NCALD: variants seen among roughly 807,000 people sequenced by gnomAD.
NCALD encodes neurocalcin-delta.
Under a neutral mutation model 18.6 loss-of-function variants are expected in NCALD, and 10 were observed. The ratio of observed to expected loss-of-function variants is 0.54; its 90% CI spans 0.33 to 0.91. NCALD has a LOEUF of 0.91. NCALD is among the 40% of genes least tolerant of loss of function. The pLI, the probability that NCALD is intolerant of heterozygous loss-of-function variation, is 0.03. For missense variants in NCALD, 184 were observed against 247.6 expected (o/e 0.74, Z 1.72); for synonymous variants, 88 against 87.4 (o/e 1.01, Z -0.04).
intron 1 of NCALD, among the ~76,000 whole-genome samples, chr8:102,072,056 C>T (rs934667361): frequency 6.7e-6 from 1 of 149,972 alleles, no homozygotes; most frequent in Non-Finnish European, 1.5e-5. Context: ...AGGACTTAAA[C>T]GGCCAGACTT....
intron 1 of NCALD, among the ~76,000 whole-genome samples, chr8:101,759,830 G>C (rs1035083925): frequency 1.3e-5 from 2 of 152,184 alleles, no homozygotes; most frequent in Non-Finnish European, 2.9e-5. Context: ...CGGGGCATCA[G>C]ATAAAAATGT....
At chr8:101,998,830 A>G (rs942097093) in intron 2 of NCALD, among the ~76,000 whole-genome samples, 3 of 152,124 alleles carry the variant, frequency 2.0e-5, no homozygotes, top group Non-Finnish European at 4.4e-5. Context: ...CAGTTTTTAA[A>G]ATAAAGATAA....
chr8:101,938,664 A>G (rs1375558433), intron 2 of NCALD, among the ~76,000 whole-genome samples: 2 of 152,242 alleles, frequency 1.3e-5, no homozygotes, highest in African/African-American at 4.8e-5. Flanking sequence ...GTAAAAAAAA[A>G]AACTTGTAAG....
intron 4 of NCALD, among the ~76,000 whole-genome samples, chr8:101,805,160 C>T (rs988239930): frequency 2.0e-5 from 3 of 152,076 alleles, no homozygotes; most frequent in Non-Finnish European, 4.4e-5. Flanking sequence ...AACATTCATT[C>T]AAGAAAATAT....
chr8:101,806,720 T>C (rs530400583), intron 4 of NCALD, among the ~76,000 whole-genome samples: 2 of 152,266 alleles, frequency 1.3e-5, no homozygotes, highest in South Asian at 4.1e-4. Flanking sequence ...CAGAGAATTA[T>C]TGGACATCAA....
At chr8:102,025,650 C>T (rs533035108) in intron 1 of NCALD, among the ~76,000 whole-genome samples, 23 of 152,338 alleles carry the variant, frequency 1.5e-4, no homozygotes, top group Non-Finnish European at 2.5e-4. Flanking sequence ...TGATATATAA[C>T]GCATTTCCAT....
At chr8:101,705,179 T>C (rs1303299198) in intron 2 of NCALD, among the ~76,000 whole-genome samples, 1 of 150,946 alleles carries the variant, frequency 6.6e-6, no homozygotes, top group Non-Finnish European at 1.5e-5. Context: ...GTAAGCTGAG[T>C]GCAGTGAGCA....
In NCALD at chr8:102,055,251, G is replaced by GAAA. The variant is rs753316443; in HGVS notation, c.-209-34965_-209-34963dup. On this transcript the variant is annotated intron_variant, in intron 1 of 6. Coordinates refer to the NCALD transcript ENST00000311028. ...GAGACCTAAGTCACATTCATGATATGAAAAAAAAAAAAAAAGAAGAAGAAG... is the reference window on the plus strand; with the variant it reads ...GAGACCTAAGTCACATTCATGATATGAAAAAAAAAAAAAAAAAAGAAGAAGAAG... Among the ~76,000 whole-genome samples, 12 of 109,336 alleles carry GAAA rather than the reference G, an allele frequency of 1.1e-4. 1 individual carries two copies. The highest frequency in any genetic ancestry group is 1.8e-4 in the Non-Finnish European group (9 of 50,822). 71.7% of individuals were successfully genotyped at this position (109,336 alleles called of 152,430 possible). A position where few individuals can be genotyped will look rare whatever the true frequency, so the allele number is the denominator to read the frequency against.
chr8:102,025,478 G>C (rs1197499800), intron 1 of NCALD, among the ~76,000 whole-genome samples: 1 of 152,192 alleles, frequency 6.6e-6, no homozygotes, highest in African/African-American at 2.4e-5. Context: ...CTCTAGCACA[G>C]TGCCTAGTAC....
At chr8:101,797,488 A>C (rs78695487) in intron 4 of NCALD, among the ~76,000 whole-genome samples, 1 of 152,136 alleles carries the variant, frequency 6.6e-6, no homozygotes, top group African/African-American at 2.4e-5. Flanking sequence ...AAAAGTGCAA[A>C]TTTTTTATTA....
chr8:101,927,824 G>A (rs771315129), intron 2 of NCALD, among the ~76,000 whole-genome samples: 4 of 152,164 alleles, frequency 2.6e-5, no homozygotes, highest in Admixed American at 6.5e-5. Flanking sequence ...TCAGACCACA[G>A]GGGAGAGCCC....
intron 1 of NCALD, among the ~76,000 whole-genome samples, chr8:102,075,938 C>A (rs1208677685): frequency 1.3e-5 from 2 of 148,312 alleles, no homozygotes; most frequent in Admixed American, 6.7e-5. Flanking sequence ...GGTGACAGAG[C>A]GAGATTCTGT....
At chr8:101,821,983 T>G (rs1288185679) in intron 4 of NCALD, among the ~76,000 whole-genome samples, 1 of 151,514 alleles carries the variant, frequency 6.6e-6, no homozygotes, top group Non-Finnish European at 1.5e-5. Context: ...CTCCTGGCTG[T>G]GGAGATGAAG....
intron 1 of NCALD, among the ~76,000 whole-genome samples, chr8:102,111,356 C>T (rs1026372584): frequency 5.3e-5 from 8 of 152,116 alleles, no homozygotes; most frequent in Non-Finnish European, 8.8e-5. Flanking sequence ...TGACTTCCCA[C>T]ATCCCCAGCC....
intron 1 of NCALD, among the ~76,000 whole-genome samples, chr8:102,110,043 T>G (rs1234831668): frequency 6.6e-6 from 1 of 152,210 alleles, no homozygotes; most frequent in East Asian, 1.9e-4. Flanking sequence ...ATATAATATT[T>G]CATCTGAATT....
intron 1 of NCALD, among the ~76,000 whole-genome samples, chr8:101,743,203 G>C (rs1290984404): frequency 1.3e-5 from 2 of 152,108 alleles, no homozygotes; most frequent in African/African-American, 4.8e-5. Context: ...TCTTTACTCA[G>C]GAAGATTCCA....
chr8:102,045,115 T>G (rs1446237110), intron 1 of NCALD, among the ~76,000 whole-genome samples: 1 of 152,232 alleles, frequency 6.6e-6, no homozygotes, highest in African/African-American at 2.4e-5. Flanking sequence ...ACTGCTGCCA[T>G]GAGACCAGGG....
At position 102,019,147 on chromosome 8, in the gene NCALD, A is replaced by G. The variant is rs72679090; in HGVS notation, c.-157+1090T>C. Among the ~76,000 whole-genome samples the G allele has an allele frequency of 7.3e-3, 1,109 of 152,190 alleles. 13 individuals are homozygous for G. Among genetic ancestry groups the G allele is most frequent in the South Asian group, 0.043 (209 of 4,820 alleles). On this transcript the variant is annotated intron_variant, in intron 2 of 6. Coordinates refer to the NCALD transcript ENST00000311028. ...ACAAAATAAGATACCCAAATGGCCA[A>G]TTAATATATGAAATGGTGCCCCACC... is the stretch of plus-strand genomic sequence containing the variant.
chr8:101,880,091 G>T (rs542910536), intron 4 of NCALD, among the ~76,000 whole-genome samples: 1 of 147,486 alleles, frequency 6.8e-6, no homozygotes, highest in Non-Finnish European at 1.5e-5. Context: ...GGGGAGGGGG[G>T]GCGGTGAGGG....
Sources: allele counts gnomAD v4.1 joint callset (sites outside exome capture counted in the v4.1 genomes callset), GRCh38; gene constraint gnomAD v4.1.1; transcripts MANE v1.5; gene names NCBI Gene and HGNC (gene_info 2026-07-23, HGNC 2026-07-21).